The following LMBRD2 variants were observed in gnomAD, a reference collection of about 807,000 sequenced individuals.
LMBRD2 encodes G protein-coupled receptor-associated protein LMBRD2.
Under a neutral mutation model 94.4 loss-of-function variants are expected in LMBRD2, and 55 were observed. The observed-to-expected ratio is 0.58, with a 90% CI of 0.47 to 0.73. The LOEUF is 0.73. Ranked by LOEUF, LMBRD2 falls within the 30% of genes least tolerant of loss-of-function variation. The pLI is 0.00. For missense variants in LMBRD2, 640 were observed against 831.9 expected (o/e 0.77, Z 2.84); for synonymous variants, 246 against 272.4 (o/e 0.90, Z 0.95).
rs542783974 is a variant in LMBRD2 at position 36,099,168 on chromosome 5, T to C, written c.*4878A>G. ...ACTGGACTACTGAACTTTAGAATAC[T>C]GTCCTAAGGAAATAGGTCTGGGCAG... On this transcript the variant is annotated 3_prime_UTR_variant, in exon 18 of 18. Coordinates refer to ENST00000296603, the MANE Select transcript of LMBRD2 (RefSeq NM_001007527.2). The C allele has an allele frequency of 1.3e-5, 2 of 152,226 alleles. No individual in the cohort carries two copies. The highest frequency in any genetic ancestry group is 6.5e-5 in the Admixed American group (1 of 15,272). The allele number at this position is 152,226 out of a possible 1,614,324, so 9.4% of individuals were successfully genotyped here.
chr5:36,137,473 C>T, intron 4 of LMBRD2, 32 bp from the exon 5 acceptor site: 1 of 1,421,228 alleles, frequency 7.0e-7, no homozygotes, highest in Admixed American at 2.0e-5. Context: ...GATTAAAAAC[C>T]CAAATAATTG....
At chr5:36,137,237 T>C in intron 5 of LMBRD2, 37 bp downstream of exon 5, 1 of 1,351,830 alleles carries the variant, frequency 7.4e-7, no homozygotes, top group Non-Finnish European at 1.0e-6. Context: ...AATGCAAACA[T>C]ACATTAAAGC....
intron 6 of LMBRD2, among the ~76,000 whole-genome samples, chr5:36,125,897 T>A (rs544436748): frequency 6.6e-5 from 10 of 152,118 alleles, no homozygotes; most frequent in African/African-American, 2.2e-4. Context: ...AGGGAGAGAC[T>A]AGAATATTCC....
chr5:36,114,991 A>T (rs1478065695), intron 12 of LMBRD2, 24 bp downstream of exon 12: 18 of 1,422,104 alleles, frequency 1.3e-5, no homozygotes, highest in Non-Finnish European at 1.7e-5. Context: ...AACCTAAGGA[A>T]TTCTATTTTC....
At chr5:36,116,918 T>C (rs569113600) in intron 10 of LMBRD2, among the ~76,000 whole-genome samples, 1 of 152,066 alleles carries the variant, frequency 6.6e-6, no homozygotes, top group Non-Finnish European at 1.5e-5. Flanking sequence ...TCATGATCCA[T>C]TCGCCTTCGC....
intron 14 of LMBRD2, among the ~76,000 whole-genome samples, chr5:36,110,712 A>G (rs1341614444): frequency 6.6e-6 from 1 of 152,042 alleles, no homozygotes; most frequent in Non-Finnish European, 1.5e-5. Context: ...TTGTGATTTG[A>G]TTCTACTAGA....
At chr5:36,106,509 G>GTTT (rs70973085) in intron 16 of LMBRD2, among the ~76,000 whole-genome samples, 16 of 119,358 alleles carry the variant, frequency 1.3e-4, no homozygotes, top group African/African-American at 2.5e-4. Flanking sequence ...TTTTTCTTTC[G>GTTT]TTTTTTTTTT....
chr5:36,106,556 C>A (rs1277527332), intron 16 of LMBRD2, among the ~76,000 whole-genome samples: 1 of 136,372 alleles, frequency 7.3e-6, no homozygotes, highest in South Asian at 2.3e-4. Flanking sequence ...GTTGCCCAGG[C>A]TGGAGTGCAG....
chr5:36,112,051 G>GGAGAGAGAGA (rs10661979), intron 13 of LMBRD2, among the ~76,000 whole-genome samples: 4 of 150,046 alleles, frequency 2.7e-5, no homozygotes, highest in African/African-American at 9.7e-5. Flanking sequence ...AAGTGGTGAA[G>GGAGAGAGAGA]GAGAGAGAGA....
Position 36,142,489 on chromosome 5 carries a change from A to G in LMBRD2, c.272+13T>C, listed in dbSNP as rs1235124914. On this transcript the variant is annotated intron_variant, in intron 3 of 17. Coordinates refer to ENST00000296603, the MANE Select transcript of LMBRD2 (RefSeq NM_001007527.2). ...CTACAATGTTTATATATTTTTTTTAAAAAAGGAAATACCTTGGAACAGGGT... is the reference window on the plus strand; with the variant it reads ...CTACAATGTTTATATATTTTTTTTAGAAAAGGAAATACCTTGGAACAGGGT... The G allele has an allele frequency of 6.7e-6, 10 of 1,499,596 alleles. No individual in the cohort carries two copies. The highest frequency in any genetic ancestry group is 9.3e-6 in the Non-Finnish European group (10 of 1,080,384). The allele number at this position is 1,499,596 out of a possible 1,614,324, so 92.9% of individuals were successfully genotyped here.
chr5:36,150,932 T>G (rs1425450183), intron 1 of LMBRD2, among the ~76,000 whole-genome samples: 1 of 152,218 alleles, frequency 6.6e-6, no homozygotes, highest in Non-Finnish European at 1.5e-5. Flanking sequence ...TCACTGAATA[T>G]TCTAATATGC....
chr5:36,145,096 G>C (rs926678928), intron 1 of LMBRD2, among the ~76,000 whole-genome samples: 1 of 152,096 alleles, frequency 6.6e-6, no homozygotes, highest in Admixed American at 6.5e-5. Context: ...TGAGAGCAGA[G>C]ACTTGACTAT....
At chr5:36,129,146 G>A (rs1035472202) in intron 6 of LMBRD2, among the ~76,000 whole-genome samples, 7 of 152,122 alleles carry the variant, frequency 4.6e-5, no homozygotes, top group African/African-American at 1.7e-4. Flanking sequence ...AAGAGTTCTT[G>A]GCCTTAAAGA....
intron 8 of LMBRD2, 65 bp downstream of exon 8, chr5:36,122,783 G>C (rs1183549688): frequency 6.6e-7 from 1 of 1,507,860 alleles, no homozygotes; most frequent in Non-Finnish European, 8.8e-7. Flanking sequence ...CTTTTTTTAT[G>C]AGCAATGATT....
intron 6 of LMBRD2, among the ~76,000 whole-genome samples, chr5:36,135,030 C>G (rs970787572): frequency 3.3e-5 from 5 of 152,150 alleles, no homozygotes; most frequent in African/African-American, 1.2e-4. Flanking sequence ...AACACACCCA[C>G]TCTCATTCAT....
chr5:36,119,432 T>G (rs1355636343), intron 9 of LMBRD2, among the ~76,000 whole-genome samples: 1 of 152,308 alleles, frequency 6.6e-6, no homozygotes, highest in Non-Finnish European at 1.5e-5. Context: ...TATTTAACAC[T>G]TTGATACCCT....
rs1302764710 is a variant in LMBRD2 at position 36,112,264 on chromosome 5, T to C, written c.1641-1006A>G. Among the ~76,000 whole-genome samples, 4 of 152,182 alleles carry C rather than the reference T, an allele frequency of 2.6e-5. No individual in the cohort carries two copies. In the East Asian group the frequency reaches 7.7e-4, roughly 29 times the overall value. ...CATGTTAATTCTCTGACTTCAAACA[T>C]TTCCTTACCATCTTCATATCCTTAT... On this transcript the variant is annotated intron_variant, in intron 13 of 17. Transcript: ENST00000296603.
intron 15 of LMBRD2, among the ~76,000 whole-genome samples, chr5:36,109,402 A>G (rs1049131742): frequency 6.6e-6 from 1 of 152,114 alleles, no homozygotes; most frequent in African/African-American, 2.4e-5. Context: ...GAAGATACAC[A>G]AAGACAACTA....
At chr5:36,137,520 G>A (rs1173763395) in intron 4 of LMBRD2, 79 bp from the exon 5 acceptor site, 3 of 822,538 alleles carry the variant, frequency 3.6e-6, no homozygotes, top group Non-Finnish European at 5.5e-6. Context: ...AGAAATATAT[G>A]AATCTCAATT....
Sources: gnomAD v4.1 joint callset for allele counts (sites outside exome capture counted in the v4.1 genomes callset) on GRCh38, gnomAD v4.1.1 for gene constraint, MANE v1.5 for transcripts, NCBI Gene and HGNC (gene_info 2026-07-23, HGNC 2026-07-21) for gene names.